ESRRG: variants seen among roughly 807,000 people sequenced by gnomAD.
ESRRG encodes estrogen related receptor gamma, also known as estrogen-related receptor gamma.
In ESRRG, 13 loss-of-function variants were observed where a neutral mutation model predicts 44.0. The ratio of observed to expected loss-of-function variants is 0.30; its 90% confidence interval spans 0.19 to 0.47. The LOEUF is 0.47. ESRRG is among the 20% of genes least tolerant of loss of function. The pLI is 1.00. For missense variants in ESRRG, 395 were observed against 580.6 expected (o/e 0.68, Z 3.29); for synonymous variants, 215 against 214.6 (o/e 1.00, Z -0.02).
intron 1 of ESRRG, among the ~76,000 whole-genome samples, chr1:217,059,502 T>G (rs988273058): frequency 7.9e-5 from 12 of 152,066 alleles, no homozygotes; most frequent in Admixed American, 7.2e-4. Flanking sequence ...AGGAAATTTA[T>G]AGATATGCCT....
chr1:216,903,276 A>G (rs1473861891), intron 2 of ESRRG, among the ~76,000 whole-genome samples: 1 of 152,088 alleles, frequency 6.6e-6, no homozygotes, highest in Non-Finnish European at 1.5e-5. Context: ...CCAGCATGTT[A>G]TTCTTCATGG....
chr1:216,958,049 T>C (rs1293076290), intron 1 of ESRRG, among the ~76,000 whole-genome samples: 1 of 152,142 alleles, frequency 6.6e-6, no homozygotes, highest in African/African-American at 2.4e-5. Flanking sequence ...CCACCATGTG[T>C]CCCTGGCTTC....
intron 2 of ESRRG, among the ~76,000 whole-genome samples, chr1:216,670,076 A>ATGAGGTAGTTATTTTCT (rs1643929244): frequency 1.3e-5 from 2 of 152,218 alleles, no homozygotes; most frequent in Admixed American, 6.5e-5. Context: ...GCTACCAATT[A>ATGAGGTAGTTATTTTCT]CTATAAACTG....
At chr1:217,061,492 T>C (rs924179284) in intron 1 of ESRRG, among the ~76,000 whole-genome samples, 5 of 152,030 alleles carry the variant, frequency 3.3e-5, no homozygotes, top group African/African-American at 1.2e-4. Context: ...CACACTTAAA[T>C]ATGGAATAAA....
At chr1:217,051,213 G>C (rs532057930) in intron 1 of ESRRG, among the ~76,000 whole-genome samples, 21 of 122,558 alleles carry the variant, frequency 1.7e-4, no homozygotes, top group African/African-American at 5.2e-4. Flanking sequence ...GCGGGGGGGG[G>C]GGGTGCCAGG....
chr1:216,676,207 T>C (rs1336412885), intron 2 of ESRRG, among the ~76,000 whole-genome samples: 1 of 152,206 alleles, frequency 6.6e-6, no homozygotes, highest in Non-Finnish European at 1.5e-5. Context: ...AGCTTTTTCA[T>C]GAACTGAATT....
chr1:216,730,463 G>T (rs2088544658), intron 2 of ESRRG, among the ~76,000 whole-genome samples: 1 of 151,922 alleles, frequency 6.6e-6, no homozygotes, highest in Admixed American at 6.6e-5. Flanking sequence ...TTCCTTCAGG[G>T]ATTCAGTTTT....
At chr1:217,026,239 C>T (rs2081158003) in intron 1 of ESRRG, among the ~76,000 whole-genome samples, 1 of 152,200 alleles carries the variant, frequency 6.6e-6, no homozygotes, top group South Asian at 2.1e-4. Context: ...TGACTAGATG[C>T]CCTTCTGGAT....
intron 1 of ESRRG, among the ~76,000 whole-genome samples, chr1:217,114,509 G>T (rs1169879338): frequency 6.6e-6 from 1 of 152,026 alleles, no homozygotes; most frequent in African/African-American, 2.4e-5. Context: ...AATTTGAGGT[G>T]CTTCTTCATT....
At chr1:217,032,977 C>G (rs2082295815) in intron 1 of ESRRG, among the ~76,000 whole-genome samples, 2 of 152,156 alleles carry the variant, frequency 1.3e-5, no homozygotes, top group Non-Finnish European at 2.9e-5. Context: ...TCCCCTGTGG[C>G]CACGTGCCTG....
At chr1:216,805,499 A>C (rs2094760151) in intron 2 of ESRRG, 1 of 152,214 alleles carries the variant, frequency 6.6e-6, no homozygotes, top group Admixed American at 6.5e-5. Context: ...CTATGTGAGC[A>C]TCACAAGTCC....
intron 1 of ESRRG, among the ~76,000 whole-genome samples, chr1:217,083,774 C>T (rs1409856356): frequency 1.3e-5 from 2 of 152,172 alleles, no homozygotes; most frequent in African/African-American, 2.4e-5. Flanking sequence ...CTGAATTAAA[C>T]TGTTCATCTA....
At chr1:216,669,247 C>G (rs994785882) in intron 2 of ESRRG, among the ~76,000 whole-genome samples, 4 of 152,130 alleles carry the variant, frequency 2.6e-5, no homozygotes, top group Non-Finnish European at 5.9e-5. Context: ...TCTTTGACAA[C>G]CTCAAAAGTA....
At chr1:217,125,880 T>C (rs1176989980) in intron 1 of ESRRG, among the ~76,000 whole-genome samples, 3 of 152,234 alleles carry the variant, frequency 2.0e-5, no homozygotes, top group Non-Finnish European at 2.9e-5. Flanking sequence ...TCTAGATCCC[T>C]GATGCTTGAA....
At chr1:216,519,907 G>A (rs2148925563) in intron 5 of ESRRG, among the ~76,000 whole-genome samples, 1 of 151,430 alleles carries the variant, frequency 6.6e-6, no homozygotes, top group East Asian at 1.9e-4. Context: ...GCACAACTTG[G>A]AAACATTTCT....
chr1:217,094,088 T>A (rs1410883034), upstream of ESRRG, among the ~76,000 whole-genome samples: 1 of 152,060 alleles, frequency 6.6e-6, no homozygotes, highest in African/African-American at 2.4e-5. Flanking sequence ...CCTCGCTATG[T>A]TGTCCAGGCT....
chr1:217,045,560 G>T (rs758491163), intron 1 of ESRRG, among the ~76,000 whole-genome samples: 3 of 152,202 alleles, frequency 2.0e-5, no homozygotes, highest in Non-Finnish European at 4.4e-5. Flanking sequence ...CTGATCTCCT[G>T]AGATGGCTGG....
At chr1:216,895,592 C>G in intron 2 of ESRRG, among the ~76,000 whole-genome samples, 1 of 152,246 alleles carries the variant, frequency 6.6e-6, no homozygotes, top group East Asian at 1.9e-4. Context: ...ACTAAAGGGA[C>G]TTATCAAATG....
At position 216,848,398 on chromosome 1, in the gene ESRRG, CT is replaced by C. The variant is rs34200168; in HGVS notation, c.-14+91183del. On this transcript the variant is annotated intron_variant, in intron 2 of 7. Coordinates refer to the ESRRG transcript ENST00000359162. ...ACAAAGCTAGATATGAATTTCTTGG[CT>C]TTTTTTTTTTTTGACTCATTAGGTC... Among the ~76,000 whole-genome samples the C allele has an allele frequency of 2.0e-3, 284 of 142,614 alleles. 1 individual carries two copies. Among genetic ancestry groups the C allele is most frequent in the Middle Eastern group, 3.6e-3 (1 of 274 alleles). 93.6% of individuals were successfully genotyped at this position (142,614 alleles called of 152,430 possible). A position where few individuals can be genotyped will look rare whatever the true frequency, so the allele number is the denominator to read the frequency against.
Sources: gnomAD v4.1 joint callset for allele counts (sites outside exome capture counted in the v4.1 genomes callset) on GRCh38, gnomAD v4.1.1 for gene constraint, MANE v1.5 for transcripts, NCBI Gene and HGNC (gene_info 2026-07-23, HGNC 2026-07-21) for gene names.